Variants in BUB1B observed in about 807,000 individuals in gnomAD.
The protein encoded by BUB1B is BUB1 mitotic checkpoint serine/threonine kinase B.
BUB1B carries 86 observed loss-of-function variants against 137.7 expected under a neutral mutation model. That is an observed-to-expected ratio of 0.62 (90% CI 0.52 to 0.75). The LOEUF (loss-of-function observed/expected upper bound fraction) is 0.75. Among genes scored for constraint, BUB1B ranks in the 30% least tolerant of loss-of-function variants. The pLI, the probability that BUB1B is intolerant of heterozygous loss-of-function variation, is 0.00. For missense variants in BUB1B, 1,130 were observed against 1,236.9 expected (o/e 0.91, Z 1.30); for synonymous variants, 420 against 417.9 (o/e 1.00, Z -0.06).
intron 5 of BUB1B, among the ~76,000 whole-genome samples, chr15:40,180,816 A>G (rs1201732015): frequency 6.7e-6 from 1 of 150,054 alleles, no homozygotes; most frequent in Non-Finnish European, 1.5e-5. Context: ...CGGCTGGCTA[A>G]TTTTTGTATT....
intron 22 of BUB1B, 66 bp downstream of exon 22, chr15:40,218,628 T>C (rs567086216): frequency 8.2e-7 from 1 of 1,224,298 alleles, no homozygotes; most frequent in Non-Finnish European, 1.2e-6. Flanking sequence ...TTGGGTGCTA[T>C]CTCTGCTTTG....
chr15:40,213,488 A>G lies in BUB1B; in HGVS notation c.2678+14A>G. ...TCTCAGAAACAGGTTGGTCCTTTTC[A>G]TTCTTATAATTCTGCCAGCTGTCTC... On this transcript the variant is annotated intron_variant, in intron 20 of 22. Coordinates refer to ENST00000287598, the MANE Select transcript of BUB1B (RefSeq NM_001211.6). 6.2e-7 allele frequency: 1 copy of G among 1,613,794 alleles called. No homozygotes were observed. Among genetic ancestry groups the G allele is most frequent in the Non-Finnish European group, 8.5e-7 (1 of 1,179,856 alleles).
At chr15:40,193,825 C>T (rs552721157) in intron 8 of BUB1B, among the ~76,000 whole-genome samples, 231 of 150,304 alleles carry the variant, frequency 1.5e-3, no homozygotes, top group South Asian at 3.8e-3. Flanking sequence ...ACCTGAGAGG[C>T]GGAGGTTGCA....
At chr15:40,196,994 GA>G (rs2037507037) in intron 9 of BUB1B, among the ~76,000 whole-genome samples, 1 of 152,164 alleles carries the variant, frequency 6.6e-6, no homozygotes, top group Non-Finnish European at 1.5e-5. Context: ...TGCCTTCCAT[GA>G]AAACTCCTTG....
chr15:40,181,028 T>C (rs1438624841), intron 5 of BUB1B, among the ~76,000 whole-genome samples: 2 of 152,188 alleles, frequency 1.3e-5, no homozygotes. Flanking sequence ...CCTCTGGCCT[T>C]GTCCAAGATT....
Position 40,217,495 on chromosome 15 carries a change from G to A in BUB1B, c.2679-1G>A, listed in dbSNP as rs753488563. The stretch of plus-strand genomic sequence containing the variant: ...TCTCCTTCTCTTAAATCTGGGCTCA[G>A]AATCCACGATCCCTATGATTGTAAC... On this transcript the variant is annotated splice_acceptor_variant, in intron 20 of 22. Transcript: ENST00000287598. LOFTEE classifies it high-confidence loss of function. 6.2e-7 allele frequency: 1 copy of A among 1,613,750 alleles called. No homozygotes were observed. The highest frequency in any genetic ancestry group is 1.3e-5 in the African/African-American group (1 of 74,814).
chr15:40,213,506 G>A, intron 20 of BUB1B, 32 bp downstream of exon 20: 1 of 1,612,834 alleles, frequency 6.2e-7, no homozygotes, highest in Non-Finnish European at 8.5e-7. Flanking sequence ...AATTCTGCCA[G>A]CTGTCTCTTA....
intron 11 of BUB1B, 120 bp from the exon 12 acceptor site, chr15:40,200,810 CA>C: frequency 1.3e-6 from 1 of 787,906 alleles, no homozygotes; most frequent in Non-Finnish European, 2.1e-6. Context: ...TTTGAATTGA[CA>C]GTAATAATTT....
chr15:40,194,437 CT>C (rs907845470), intron 8 of BUB1B, among the ~76,000 whole-genome samples: 32 of 152,122 alleles, frequency 2.1e-4, no homozygotes, highest in Admixed American at 1.4e-3. Flanking sequence ...AGCATCTAGC[CT>C]TTTACCATGA....
intron 5 of BUB1B, among the ~76,000 whole-genome samples, chr15:40,180,251 C>CTTTTTTTTTTTTT (rs34300396): frequency 2.2e-5 from 2 of 90,508 alleles, no homozygotes; most frequent in Admixed American, 1.4e-4. Flanking sequence ...CGTTTCGTTT[C>CTTTTTTTTTTTTT]TTTTTTTTTT....
rs1378677258 is a variant in BUB1B, at chr15:40,209,264, C to CA, written c.2144-364dup. 2.0e-5 allele frequency among the ~76,000 whole-genome samples: 3 copies of CA among 152,120 alleles called. No homozygotes were observed. In the South Asian group the frequency reaches 6.2e-4, roughly 32 times the overall value. ...GGAAACCCCAACTCTACTAAAAATA[C>CA]AAAAAAATTAGCCGGGCATGGTGGC... On this transcript the variant is annotated intron_variant, in intron 16 of 22. Coordinates refer to ENST00000287598, the MANE Select transcript of BUB1B (RefSeq NM_001211.6).
chr15:40,189,165 G>T (rs1160744815), intron 8 of BUB1B, among the ~76,000 whole-genome samples: 4 of 151,028 alleles, frequency 2.6e-5, no homozygotes, highest in African/African-American at 7.3e-5. Context: ...TTGTTTGTTT[G>T]TTTTTTGTGT....
At chr15:40,184,341 G>A (rs971248075) in intron 6 of BUB1B, among the ~76,000 whole-genome samples, 1 of 148,344 alleles carries the variant, frequency 6.7e-6, no homozygotes, top group Non-Finnish European at 1.5e-5. Flanking sequence ...ATAGGTTCTC[G>A]CTCTGTTGCC....
intron 5 of BUB1B, among the ~76,000 whole-genome samples, chr15:40,182,914 A>C (rs1205414759): frequency 1.3e-5 from 2 of 152,118 alleles, no homozygotes; most frequent in East Asian, 3.9e-4. Context: ...CCCTCTCCAC[A>C]GTCTGCTTGC....
In BUB1B at chr15:40,173,118, A is replaced by G. The variant is rs543342388; in HGVS notation, c.384+2437A>G. On this transcript the variant is annotated intron_variant, in intron 4 of 22. Transcript: ENST00000287598. ...TGGTGAAACCTCATCTCTACTAAAA[A>G]TACAAAAAATGCAAAAATTAGCCGC... 4.6e-5 allele frequency among the ~76,000 whole-genome samples: 7 copies of G among 152,116 alleles called. No homozygotes were observed. In the East Asian group the frequency reaches 1.4e-3, roughly 29 times the overall value.
intron 8 of BUB1B, among the ~76,000 whole-genome samples, chr15:40,194,305 C>T (rs976193296): frequency 1.4e-4 from 22 of 152,170 alleles, no homozygotes; most frequent in African/African-American, 5.3e-4. Context: ...TTCTTCCTTT[C>T]CCATCTGGAC....
intron 9 of BUB1B, among the ~76,000 whole-genome samples, 179 bp downstream of exon 9, chr15:40,196,953 T>C (rs1300880649): frequency 6.6e-6 from 1 of 152,214 alleles, no homozygotes; most frequent in African/African-American, 2.4e-5. Context: ...ATGGTTGTAC[T>C]GTTTCTGTGT....
intron 9 of BUB1B, among the ~76,000 whole-genome samples, chr15:40,197,703 G>A (rs2037514982): frequency 1.3e-5 from 2 of 152,186 alleles, no homozygotes; most frequent in Admixed American, 1.3e-4. Flanking sequence ...TGACAACCTG[G>A]AAGCAAACTT....
chr15:40,168,309 G>A (rs1025256937), intron 2 of BUB1B, among the ~76,000 whole-genome samples: 1 of 152,094 alleles, frequency 6.6e-6, no homozygotes, highest in Non-Finnish European at 1.5e-5. Context: ...GGAGGTTGCA[G>A]TGAGCCGAGA....
Sources: gnomAD v4.1 joint callset for allele counts (sites outside exome capture counted in the v4.1 genomes callset) on GRCh38, gnomAD v4.1.1 for gene constraint, MANE v1.5 for transcripts, NCBI Gene and HGNC (gene_info 2026-07-23, HGNC 2026-07-21) for gene names.